The following NARS2 variants were observed in gnomAD, a reference collection of about 807,000 sequenced individuals.
NARS2 encodes the protein asparaginyl-tRNA synthetase.
Under a neutral mutation model 62.9 loss-of-function variants are expected in NARS2, and 60 were observed. That is an observed-to-expected ratio of 0.95 (90% CI 0.77 to 1.18). The LOEUF (loss-of-function observed/expected upper bound fraction) is 1.18. Among genes scored for constraint, NARS2 ranks in the 50% most tolerant of loss-of-function variants. The pLI is 0.00. For synonymous variants in NARS2, 196 were observed against 200.0 expected (o/e 0.98, Z 0.17); for missense variants, 619 against 576.4 (o/e 1.07, Z -0.76).
chr11:78,526,647 C>G (rs1040648826), intron 6 of NARS2, among the ~76,000 whole-genome samples: 3 of 152,106 alleles, frequency 2.0e-5, no homozygotes, highest in Non-Finnish European at 4.4e-5. Context: ...ACCTAGTATT[C>G]TACCAATTTA....
At chr11:78,439,692 G>C (rs1857516778) in intron 13 of NARS2, among the ~76,000 whole-genome samples, 1 of 151,994 alleles carries the variant, frequency 6.6e-6, no homozygotes, top group Non-Finnish European at 1.5e-5. Context: ...AGATTTTTTT[G>C]CATCTCTGAA....
At chr11:78,511,165 C>T (rs1041148360) in intron 6 of NARS2, among the ~76,000 whole-genome samples, 1 of 152,086 alleles carries the variant, frequency 6.6e-6, no homozygotes. Context: ...GCAGCCTTGA[C>T]CTCCTAGGCT....
rs990906666 is a variant in NARS2 at position 78,553,628 on chromosome 11, G to T, written c.594+5911C>A. ...TAATGGGGTTGTTTTTCTCTTCTAA[G>T]TAAGTTCCTTATAGATCCTGGATAT... On this transcript the variant is annotated intron_variant, in intron 5 of 13. Transcript: ENST00000281038. Among the ~76,000 whole-genome samples the T allele has an allele frequency of 2.6e-5, 4 of 152,030 alleles. No homozygotes were observed. The South Asian group carries it at 8.3e-4, about 32-fold the overall frequency.
intron 6 of NARS2, among the ~76,000 whole-genome samples, chr11:78,526,939 A>G (rs1861316445): frequency 6.6e-6 from 1 of 152,240 alleles, no homozygotes; most frequent in Non-Finnish European, 1.5e-5. Flanking sequence ...AAGGTATTAC[A>G]CAATGAGGGG....
At chr11:78,459,073 C>G (rs1197028481) in intron 11 of NARS2, among the ~76,000 whole-genome samples, 2 of 151,934 alleles carry the variant, frequency 1.3e-5, no homozygotes, top group Middle Eastern at 3.2e-3. Flanking sequence ...TGCCACCATG[C>G]CTGGCTACTT....
rs59917269 is a variant in NARS2 at position 78,538,994 on chromosome 11, C to CAA, written c.595-10060_595-10059dup. ...TGGGCGACAGAGCGAGAATCCGTCT[C>CAA]AAAAAAAAAAAAAAAAAAAAAAAAA... is the stretch of plus-strand genomic sequence containing the variant. On this transcript the variant is annotated intron_variant, in intron 5 of 13. Coordinates refer to ENST00000281038, the MANE Select transcript of NARS2 (RefSeq NM_024678.6). 7.5e-3 allele frequency among the ~76,000 whole-genome samples: 372 copies of CAA among 49,788 alleles called. 37 individuals carry two copies. The highest frequency in any genetic ancestry group is 0.062 in the East Asian group (42 of 680). 32.7% of individuals were successfully genotyped at this position (49,788 alleles called of 152,430 possible).
At chr11:78,460,212 C>T (rs181869697) in intron 11 of NARS2, among the ~76,000 whole-genome samples, 78 of 151,838 alleles carry the variant, frequency 5.1e-4, no homozygotes, top group African/African-American at 1.7e-3. Flanking sequence ...GGCTTTTATC[C>T]TAAGAGCAAA....
In NARS2 at chr11:78,574,815, G is replaced by A. The variant is rs1024429549; in HGVS notation, c.-327C>T. ...GAACAGAACCCGGGCCGCAACACGC[G>A]CAACCACTCCTACCACACCACGCCA... On this transcript the variant is annotated 5_prime_UTR_variant, in exon 1 of 14. Transcript: ENST00000281038. The A allele has an allele frequency of 2.0e-5, 6 of 295,962 alleles. 1 individual carries two copies. The highest frequency in any genetic ancestry group is 1.6e-4 in the South Asian group (3 of 19,322). 18.3% of individuals were successfully genotyped at this position (295,962 alleles called of 1,614,324 possible).
At chr11:78,492,134 CAT>C (rs1266589272) in intron 7 of NARS2, among the ~76,000 whole-genome samples, 21 of 151,878 alleles carry the variant, frequency 1.4e-4, no homozygotes, top group South Asian at 2.1e-4. Flanking sequence ...CACACACACA[CAT>C]ATATAGATTT....
intron 6 of NARS2, among the ~76,000 whole-genome samples, chr11:78,516,980 G>C (rs1010929002): frequency 6.6e-6 from 1 of 152,184 alleles, no homozygotes. Context: ...TGGTGGTTAA[G>C]GTTCTGGGTG....
At chr11:78,549,512 G>A (rs1237324220) in intron 5 of NARS2, among the ~76,000 whole-genome samples, 1 of 152,174 alleles carries the variant, frequency 6.6e-6, no homozygotes, top group Non-Finnish European at 1.5e-5. Context: ...AGAGTCACTG[G>A]TGATAAAGGC....
In NARS2 at chr11:78,541,523, C is replaced by A. The variant is rs544315823; in HGVS notation, c.595-12587G>T. On this transcript the variant is annotated intron_variant, in intron 5 of 13. Transcript: ENST00000281038. ...GGATTAAAATGCTTTTAATATTAGT[C>A]TCTCCTAAGTATGAAATGCTGATCA... Among the ~76,000 whole-genome samples, 3 of 152,156 alleles carry A rather than the reference C, an allele frequency of 2.0e-5. No individual in the cohort carries two copies. In the East Asian group the frequency reaches 5.8e-4, roughly 29 times the overall value.
At chr11:78,514,435 T>C (rs986970268) in intron 6 of NARS2, among the ~76,000 whole-genome samples, 1 of 152,212 alleles carries the variant, frequency 6.6e-6, no homozygotes, top group Non-Finnish European at 1.5e-5. Flanking sequence ...TATTTCTTTA[T>C]AGCAGTGCAA....
At chr11:78,524,623 T>G (rs1231540576) in intron 6 of NARS2, among the ~76,000 whole-genome samples, 2 of 152,052 alleles carry the variant, frequency 1.3e-5, no homozygotes, top group Non-Finnish European at 2.9e-5. Context: ...GGAATGAACT[T>G]ACCACTTATA....
At chr11:78,556,479 C>T (rs1231425879) in intron 5 of NARS2, among the ~76,000 whole-genome samples, 1 of 152,176 alleles carries the variant, frequency 6.6e-6, no homozygotes, top group Non-Finnish European at 1.5e-5. Flanking sequence ...AGAGGAGTAA[C>T]AGCCACATCA....
chr11:78,554,508 C>CATGTGTGTGTGTGTGTGTGTGTGT (rs1555041423), intron 5 of NARS2, among the ~76,000 whole-genome samples: 106 of 147,014 alleles, frequency 7.2e-4, no homozygotes, highest in African/African-American at 2.5e-3. Context: ...GGCGTGTGTG[C>CATGTGTGTGTGTGTGTGTGTGTGT]GTGTGTGTGT....
In NARS2 at chr11:78,443,563, C is replaced by T. The variant is rs968134844; in HGVS notation, c.1262+98G>A. On this transcript the variant is annotated intron_variant, in intron 12 of 13. Transcript: ENST00000281038. Reference sequence around the variant, plus strand: ...TCTGAGATCCAGTTCTGTCAGGCGCCGAGGCCCAGGGTCTTCACTCTGTTA... The same window carrying T: ...TCTGAGATCCAGTTCTGTCAGGCGCTGAGGCCCAGGGTCTTCACTCTGTTA... 57 of 698,884 alleles carry T rather than the reference C, an allele frequency of 8.2e-5. No individual in the cohort carries two copies. The Middle Eastern group carries it at 5.5e-3, about 68-fold the overall frequency. 43.3% of individuals were successfully genotyped at this position (698,884 alleles called of 1,614,324 possible).
chr11:78,440,489 T>C (rs763683949), intron 13 of NARS2, among the ~76,000 whole-genome samples: 1 of 152,100 alleles, frequency 6.6e-6, no homozygotes. Context: ...GTCAGGATAA[T>C]AGTACCTAAT....
intron 6 of NARS2, among the ~76,000 whole-genome samples, chr11:78,512,227 T>G (rs1860746296): frequency 6.6e-6 from 1 of 152,226 alleles, no homozygotes. Context: ...TAGTTTAAAC[T>G]TCTGATCTGT....
Sources: allele counts gnomAD v4.1 joint callset (sites outside exome capture counted in the v4.1 genomes callset), GRCh38; gene constraint gnomAD v4.1.1; transcripts MANE v1.5; gene names NCBI Gene and HGNC (gene_info 2026-07-23, HGNC 2026-07-21).